Variants in ZNF141 observed in about 807,000 individuals in gnomAD.
ZNF141 encodes zinc finger protein 141.
A neutral mutation model predicts 11.3 loss-of-function variants in ZNF141; 7 were observed. The ratio of observed to expected loss-of-function variants is 0.62; its 90% CI spans 0.35 to 1.16. The LOEUF is 1.16. Ranked by LOEUF, ZNF141 falls within the 50% of genes most tolerant of loss-of-function variation. The pLI, the probability that ZNF141 is intolerant of heterozygous loss-of-function variation, is 0.02. For synonymous variants in ZNF141, 183 were observed against 190.7 expected (o/e 0.96, Z 0.33); for missense variants, 535 against 554.0 (o/e 0.97, Z 0.34).
Position 376,155 on chromosome 4 carries a change from T to C in ZNF141, c.*2293T>C, listed in dbSNP as rs1484573429. ...AATGAAGTGTCATTATGCCACCAAC[T>C]TAAACCTATCCCACCTTACTCAATG... On this transcript the variant is annotated 3_prime_UTR_variant, in exon 4 of 4. Coordinates refer to ENST00000240499, the MANE Select transcript of ZNF141 (RefSeq NM_003441.4). Among the ~76,000 whole-genome samples the C allele has an allele frequency of 3.3e-5, 5 of 152,080 alleles. No homozygotes were observed. Among genetic ancestry groups the C allele is most frequent in the Non-Finnish European group, 7.4e-5 (5 of 67,916 alleles).
chr4:350,359 A>T (rs911759280), intron 3 of ZNF141: 5 of 363,358 alleles, frequency 1.4e-5, no homozygotes, highest in Admixed American at 3.6e-5. Flanking sequence ...TATTGTATAA[A>T]AATGGAATCA....
intron 3 of ZNF141, among the ~76,000 whole-genome samples, chr4:352,943 C>T (rs1721673709): frequency 6.6e-6 from 1 of 152,104 alleles, no homozygotes; most frequent in Non-Finnish European, 1.5e-5. Context: ...GCAGCGGAAG[C>T]AGTGTTGTGG....
At chr4:362,635 G>A (rs1360603541) in intron 3 of ZNF141, among the ~76,000 whole-genome samples, 9 of 152,144 alleles carry the variant, frequency 5.9e-5, no homozygotes, top group African/African-American at 2.2e-4. Context: ...TAAATAGGGA[G>A]TCCTTCCCCC....
At chr4:361,934 A>G (rs576006146) in intron 3 of ZNF141, among the ~76,000 whole-genome samples, 2 of 152,328 alleles carry the variant, frequency 1.3e-5, no homozygotes, top group Admixed American at 6.5e-5. Context: ...CTAGTTCTAA[A>G]TCCTTGAGGA....
intron 3 of ZNF141, among the ~76,000 whole-genome samples, chr4:352,250 G>T (rs1721639348): frequency 6.6e-6 from 1 of 152,180 alleles, no homozygotes; most frequent in African/African-American, 2.4e-5. Flanking sequence ...AGCCGGGCGT[G>T]GTGGTGGGCA....
In ZNF141 at chr4:383,021, T is replaced by C. The variant is rs1468272392; in HGVS notation, c.*9159T>C. 3 of 566,966 alleles carry C rather than the reference T, an allele frequency of 5.3e-6. No individual in the cohort carries two copies. Among genetic ancestry groups the C allele is most frequent in the Non-Finnish European group, 9.3e-6 (3 of 322,612 alleles). The allele number at this position is 566,966 out of a possible 1,614,324, so 35.1% of individuals were successfully genotyped here. ...CCCAAACCTTGAACTTCTCTTGACT[T>C]ATCTGCACTGGCACAGGGTGCCAGT... On this transcript the variant is annotated 3_prime_UTR_variant, in exon 4 of 4. Transcript: ENST00000240499.
At position 374,676 on chromosome 4, in the gene ZNF141, A is replaced by AT. The variant is rs1712275959; in HGVS notation, c.*815dup. The AT allele has an allele frequency of 6.5e-6, 1 of 154,306 alleles. No individual in the cohort carries two copies. The highest frequency in any genetic ancestry group is 2.4e-5 in the African/African-American group (1 of 41,502). The allele number at this position is 154,306 out of a possible 1,614,324, so 9.6% of individuals were successfully genotyped here. ...AGATGAATATAAGAATTCATCCTAG[A>AT]TATAAAACCATAGAAATGTAAAAGA... On this transcript the variant is annotated 3_prime_UTR_variant, in exon 4 of 4. Transcript: ENST00000240499.
At chr4:351,850 A>G (rs1259797432) in intron 3 of ZNF141, among the ~76,000 whole-genome samples, 1 of 152,184 alleles carries the variant, frequency 6.6e-6, no homozygotes, top group Non-Finnish European at 1.5e-5. Context: ...GGGTATCCAC[A>G]GGCAGAGGCA....
rs1553854160 is a variant in ZNF141, at chr4:373,857, A to T, written c.1420A>T (p.Thr474Ser). 6.3e-7 allele frequency: 1 copy of T among 1,598,660 alleles called. No individual in the cohort carries two copies. The highest frequency in any genetic ancestry group is 2.2e-5 in the East Asian group (1 of 44,710). Residue 474 changes from threonine to serine, a missense_variant, in exon 4 of 4, where the codon ACT becomes TCT. Coordinates refer to ENST00000240499, the MANE Select transcript of ZNF141 (RefSeq NM_003441.4). ...CCTGAATAAACATAAGAAAATTCAT[A>T]CTTGAGAGAAATCCTACAAATGTAA... ...SHLNKHKKIH[T>S]
At chr4:338,229 T>G in intron 1 of ZNF141, 1 of 477,898 alleles carries the variant, frequency 2.1e-6, no homozygotes, top group South Asian at 2.2e-5. Flanking sequence ...GGCTGTGGGG[T>G]GAGGAGTAGC....
chr4:356,243 A>C (rs1400312928), intron 3 of ZNF141, among the ~76,000 whole-genome samples: 1 of 151,876 alleles, frequency 6.6e-6, no homozygotes, highest in Admixed American at 6.6e-5. Context: ...AAAAAAAAAA[A>C]AAAGAATAAT....
intron 3 of ZNF141, among the ~76,000 whole-genome samples, chr4:364,177 C>A (rs1294178426): frequency 6.6e-6 from 1 of 152,102 alleles, no homozygotes; most frequent in African/African-American, 2.4e-5. Flanking sequence ...CTCTGTGAGG[C>A]TTTGGTATCA....
chr4:343,075 A>G, intron 1 of ZNF141: 1 of 399,648 alleles, frequency 2.5e-6, no homozygotes, highest in Middle Eastern at 7.9e-4. Flanking sequence ...GTATTTAAAA[A>G]GTTCCTTGCA....
rs782193433 is a variant in ZNF141 at position 343,774 on chromosome 4, A to G, written c.4-8A>G. The G allele has an allele frequency of 6.8e-6, 7 of 1,034,278 alleles. No individual in the cohort carries two copies. The highest frequency in any genetic ancestry group is 6.1e-4 in the Middle Eastern group (2 of 3,256). 64.1% of individuals were successfully genotyped at this position (1,034,278 alleles called of 1,614,324 possible). A position where few individuals can be genotyped will look rare whatever the true frequency, so the allele number is the denominator to read the frequency against. ...GAACTATGTCCCTTGATATATTTGT[A>G]TTTTCAGGAACTCTTAACATTCAGG... On this transcript the variant is annotated splice_polypyrimidine_tract_variant and splice_region_variant and intron_variant, in intron 1 of 3. Coordinates refer to ENST00000240499, the MANE Select transcript of ZNF141 (RefSeq NM_003441.4).
chr4:371,743 T>C (rs1161195898), intron 3 of ZNF141, among the ~76,000 whole-genome samples: 1 of 151,324 alleles, frequency 6.6e-6, no homozygotes, highest in Non-Finnish European at 1.5e-5. Context: ...TGATTCACCA[T>C]GTTAGCCAAG....
At chr4:344,688 G>T (rs1468463091) in intron 3 of ZNF141, among the ~76,000 whole-genome samples, 1 of 152,166 alleles carries the variant, frequency 6.6e-6, no homozygotes, top group Non-Finnish European at 1.5e-5. Flanking sequence ...CAGCTACTCG[G>T]GAGGCTGAAG....
intron 1 of ZNF141, among the ~76,000 whole-genome samples, chr4:339,846 A>C (rs1251147377): frequency 1.3e-5 from 2 of 152,204 alleles, no homozygotes; most frequent in Non-Finnish European, 2.9e-5. Flanking sequence ...CTGCCTTCAC[A>C]TATCAAATCT....
chr4:378,571 A>T lies in ZNF141; in HGVS notation c.*4709A>T, dbSNP rs1712473781. Among the ~76,000 whole-genome samples the T allele has an allele frequency of 1.3e-5, 2 of 152,114 alleles. No individual in the cohort carries two copies. Among genetic ancestry groups the T allele is most frequent in the African/African-American group, 4.8e-5 (2 of 41,430 alleles). On this transcript the variant is annotated 3_prime_UTR_variant, in exon 4 of 4. Transcript: ENST00000240499. ...GCATGAGCCACCGTGCCTGGCCAGA[A>T]TATTATATCTTTGAGTGTGAATGTT... is the stretch of plus-strand genomic sequence containing the variant.
chr4:346,089 G>T (rs2108686782), intron 3 of ZNF141, among the ~76,000 whole-genome samples: 1 of 152,336 alleles, frequency 6.6e-6, no homozygotes, highest in South Asian at 2.1e-4. Flanking sequence ...TTATTTAAGT[G>T]TGTAGTAAAT....
Sources: gnomAD v4.1 joint callset for allele counts (sites outside exome capture counted in the v4.1 genomes callset) on GRCh38, gnomAD v4.1.1 for gene constraint, MANE v1.5 for transcripts, NCBI Gene and HGNC (gene_info 2026-07-23, HGNC 2026-07-21) for gene names.